Variants in CD96 observed in about 807,000 individuals in gnomAD.
The protein encoded by CD96 is CD96 molecule.
Under a neutral mutation model 71.3 loss-of-function variants are expected in CD96, and 70 were observed. The observed-to-expected ratio is 0.98, with a 90% CI of 0.81 to 1.20. CD96 has a LOEUF of 1.20. CD96 is among the 50% of genes most tolerant of loss of function. The probability of loss-of-function intolerance (pLI) is 0.00; values close to 1 mark genes in which losing one functional copy is unlikely to be tolerated. For missense variants in CD96, 742 were observed against 677.5 expected (o/e 1.10, Z -1.06); for synonymous variants, 248 against 233.0 (o/e 1.06, Z -0.59).
intron 5 of CD96, chr3:111,594,040 G>A: frequency 6.2e-7 from 1 of 1,614,180 alleles, no homozygotes; most frequent in Non-Finnish European, 8.5e-7. Context: ...ATGCCTCAGA[G>A]AACCGGGTGC....
chr3:111,601,939 C>A (rs141730558), intron 7 of CD96, among the ~76,000 whole-genome samples: 4 of 152,218 alleles, frequency 2.6e-5, no homozygotes, highest in African/African-American at 9.7e-5. Flanking sequence ...GGGGCACTGG[C>A]ATCGCTCCCG....
intron 10 of CD96, among the ~76,000 whole-genome samples, chr3:111,630,641 C>T (rs1337090204): frequency 6.6e-6 from 1 of 152,170 alleles, no homozygotes; most frequent in East Asian, 1.9e-4. Context: ...GAAGGAAATG[C>T]TTCCTAACTC....
intron 6 of CD96, among the ~76,000 whole-genome samples, chr3:111,599,960 AT>A (rs1937420365): frequency 6.6e-6 from 1 of 152,248 alleles, no homozygotes; most frequent in Non-Finnish European, 1.5e-5. Flanking sequence ...TTGGTTTTAC[AT>A]TAATTTTCTG....
intron 12 of CD96, among the ~76,000 whole-genome samples, chr3:111,639,335 G>A (rs892968568): frequency 1.3e-5 from 2 of 152,094 alleles, no homozygotes; most frequent in Non-Finnish European, 1.5e-5. Flanking sequence ...GTAGGAGTTC[G>A]GTGAGGCCTG....
At chr3:111,649,665 C>T in intron 13 of CD96, 33 bp from the exon 14 acceptor site, 1 of 1,290,348 alleles carries the variant, frequency 7.7e-7, no homozygotes. Context: ...TCCCTCAATT[C>T]TTAGCATTGA....
intron 8 of CD96, among the ~76,000 whole-genome samples, chr3:111,618,579 T>C (rs986396641): frequency 2.8e-5 from 4 of 144,340 alleles, no homozygotes; most frequent in African/African-American, 1.1e-4. Context: ...AATTTATTTC[T>C]CTCTTTTTTT....
Position 111,598,214 on chromosome 3 carries a change from A to T in CD96, c.898+4A>T. On this transcript the variant is annotated splice_donor_region_variant and intron_variant, in intron 6 of 13. Coordinates refer to ENST00000352690, the MANE Select transcript of CD96 (RefSeq NM_005816.5). ...TTTCTTCATGATGAAAAAGAAGGTAAGGAAACTAATCAATGGAAATAAGTT... is the reference window on the plus strand; with the variant it reads ...TTTCTTCATGATGAAAAAGAAGGTATGGAAACTAATCAATGGAAATAAGTT... 1 of 1,189,574 alleles carries T rather than the reference A, an allele frequency of 8.4e-7. No individual in the cohort carries two copies. The highest frequency in any genetic ancestry group is 1.7e-5 in the Admixed American group (1 of 59,476). 73.7% of individuals were successfully genotyped at this position (1,189,574 alleles called of 1,614,324 possible).
At chr3:111,639,000 C>A (rs1939468042) in intron 12 of CD96, among the ~76,000 whole-genome samples, 1 of 152,174 alleles carries the variant, frequency 6.6e-6, no homozygotes, top group African/African-American at 2.4e-5. Context: ...TGTAAGACCT[C>A]TTTAAAATAT....
chr3:111,631,237 T>C (rs1939046023), intron 10 of CD96, among the ~76,000 whole-genome samples: 1 of 152,172 alleles, frequency 6.6e-6, no homozygotes, highest in Non-Finnish European at 1.5e-5. Flanking sequence ...TGATTCTATA[T>C]CTAGAAAATC....
intron 2 of CD96, among the ~76,000 whole-genome samples, chr3:111,548,368 T>A (rs183300479): frequency 6.6e-6 from 1 of 152,334 alleles, no homozygotes; most frequent in East Asian, 1.9e-4. Flanking sequence ...TCTCTGTGTG[T>A]GTCTTAGTGC....
intron 10 of CD96, among the ~76,000 whole-genome samples, chr3:111,630,275 T>C (rs550642357): frequency 6.6e-6 from 1 of 151,794 alleles, no homozygotes; most frequent in Non-Finnish European, 1.5e-5. Flanking sequence ...GCTAGACTAA[T>C]AAGAAGAAAA....
At chr3:111,661,266 G>A (rs1940347683) in intron 14 of CD96, among the ~76,000 whole-genome samples, 1 of 152,122 alleles carries the variant, frequency 6.6e-6, no homozygotes, top group Non-Finnish European at 1.5e-5. Context: ...CTCCCACCAA[G>A]CCCCTCTCCC....
At chr3:111,579,348 C>G in intron 4 of CD96, 114 bp downstream of exon 4, 2 of 761,600 alleles carry the variant, frequency 2.6e-6, no homozygotes, top group Admixed American at 1.8e-5. Flanking sequence ...GGTAACAGTG[C>G]TGGAGTCTGT....
At chr3:111,588,831 A>G (rs1384029630) in intron 5 of CD96, among the ~76,000 whole-genome samples, 2 of 152,126 alleles carry the variant, frequency 1.3e-5, no homozygotes, top group South Asian at 4.2e-4. Context: ...AAAAGATTTA[A>G]TCATTTTTGC....
chr3:111,619,868 G>A (rs963239019), intron 8 of CD96, among the ~76,000 whole-genome samples: 1 of 152,186 alleles, frequency 6.6e-6, no homozygotes, highest in African/African-American at 2.4e-5. Context: ...CAGTGTTGCT[G>A]CACACTGTGC....
intron 14 of CD96, among the ~76,000 whole-genome samples, chr3:111,661,311 A>G (rs1940348981): frequency 6.6e-6 from 1 of 152,162 alleles, no homozygotes; most frequent in African/African-American, 2.4e-5. Context: ...TGAGATTTAG[A>G]TGGGGACACA....
chr3:111,661,858 G>A (rs1940367157), intron 14 of CD96, among the ~76,000 whole-genome samples: 1 of 152,198 alleles, frequency 6.6e-6, no homozygotes, highest in Non-Finnish European at 1.5e-5. Flanking sequence ...CTGGGGCCTG[G>A]AGAACAGTAG....
chr3:111,620,339 A>C (rs1938458566), intron 8 of CD96, among the ~76,000 whole-genome samples: 1 of 152,046 alleles, frequency 6.6e-6, no homozygotes, highest in African/African-American at 2.4e-5. Context: ...TTGGTTAAAC[A>C]AACAAAAAAA....
At chr3:111,565,697 G>T (rs1166528240) in intron 2 of CD96, among the ~76,000 whole-genome samples, 5 of 151,844 alleles carry the variant, frequency 3.3e-5, no homozygotes, top group African/African-American at 1.2e-4. Context: ...TAAGGGACAG[G>T]GGTCTTTTTT....
Sources: gnomAD v4.1 joint callset for allele counts (sites outside exome capture counted in the v4.1 genomes callset) on GRCh38, gnomAD v4.1.1 for gene constraint, MANE v1.5 for transcripts, NCBI Gene and HGNC (gene_info 2026-07-23, HGNC 2026-07-21) for gene names.